Variants in LHFPL2 observed in about 807,000 individuals in gnomAD.
LHFPL2 encodes LHFPL tetraspan subfamily member 2.
In LHFPL2, 7 loss-of-function variants were observed where a neutral mutation model predicts 17.5. That is an observed-to-expected ratio of 0.40 (90% confidence interval 0.23 to 0.75). The LOEUF (loss-of-function observed/expected upper bound fraction) is 0.75. LHFPL2 is among the 30% of genes least tolerant of loss of function. The pLI is 0.37. For synonymous variants in LHFPL2, 134 were observed against 116.2 expected (o/e 1.15, Z -0.99); for missense variants, 241 against 294.8 (o/e 0.82, Z 1.34).
intron 2 of LHFPL2, among the ~76,000 whole-genome samples, chr5:78,583,510 TGTAAA>T (rs1312860565): frequency 2.0e-5 from 3 of 147,672 alleles, no homozygotes; most frequent in African/African-American, 7.4e-5. Flanking sequence ...TTTGCTTGTC[TGTAAA>T]GTATTTTATT....
At position 78,642,832 on chromosome 5, in the gene LHFPL2, G is replaced by A. The variant is rs374194410; in HGVS notation, c.-350+5667C>T. 2.0e-4 allele frequency among the ~76,000 whole-genome samples: 30 copies of A among 152,170 alleles called. No homozygotes were observed. In the South Asian group the frequency reaches 6.2e-3, roughly 32 times the overall value. The stretch of plus-strand genomic sequence containing the variant: ...TGCTTACCTCAATGAAAGGTGCCAT[G>A]ACCCATAACAGTCAAAGTGCACTCC... On this transcript the variant is annotated intron_variant, in intron 1 of 4. Transcript: ENST00000380345.
Position 78,488,569 on chromosome 5 carries a change from TCC to T in LHFPL2, c.*326_*327del. On this transcript the variant is annotated 3_prime_UTR_variant, in exon 5 of 5. Transcript: ENST00000380345. Reference sequence around the variant, plus strand: ...CCTGCAGATCTGGCGGACGGTCTCTTCCGTTACCAGAGAAACTGCTGCCCTAA... The same window carrying T: ...CCTGCAGATCTGGCGGACGGTCTCTTGTTACCAGAGAAACTGCTGCCCTAA... The T allele has an allele frequency of 3.3e-6, 1 of 302,860 alleles. No individual in the cohort carries two copies. The highest frequency in any genetic ancestry group is 6.4e-6 in the Non-Finnish European group (1 of 157,282). The allele number at this position is 302,860 out of a possible 1,614,324, so 18.8% of individuals were successfully genotyped here.
chr5:78,623,837 C>T (rs918276436), intron 2 of LHFPL2, among the ~76,000 whole-genome samples: 1 of 152,114 alleles, frequency 6.6e-6, no homozygotes, highest in Non-Finnish European at 1.5e-5. Flanking sequence ...AAACATTTAC[C>T]ATTTGCTCCA....
chr5:78,611,934 T>C (rs989589194), intron 2 of LHFPL2, among the ~76,000 whole-genome samples: 3 of 152,192 alleles, frequency 2.0e-5, no homozygotes, highest in African/African-American at 7.2e-5. Flanking sequence ...GCACACATGG[T>C]AGGAGCTTCA....
At chr5:78,580,356 C>T (rs1277597471) in intron 2 of LHFPL2, among the ~76,000 whole-genome samples, 1 of 152,064 alleles carries the variant, frequency 6.6e-6, no homozygotes, top group Non-Finnish European at 1.5e-5. Flanking sequence ...TTAATTAGAT[C>T]CCATTTGTCA....
In LHFPL2 at chr5:78,488,877, ATGGCAT is replaced by A; in HGVS notation, c.*14_*19del. On this transcript the variant is annotated 3_prime_UTR_variant, in exon 5 of 5. Transcript: ENST00000380345. ...TTCACAAGATTACTCAAGGGAGAAA[ATGGCAT>A]TGTCTCTTCCAAACTAAAGGAGGCA... The A allele has an allele frequency of 6.2e-7, 1 of 1,611,760 alleles. No individual in the cohort carries two copies. The highest frequency in any genetic ancestry group is 8.5e-7 in the Non-Finnish European group (1 of 1,178,724).
intron 2 of LHFPL2, among the ~76,000 whole-genome samples, chr5:78,571,338 T>C (rs532918717): frequency 2.0e-5 from 3 of 152,254 alleles, no homozygotes; most frequent in South Asian, 2.1e-4. Flanking sequence ...CCCAACTCCA[T>C]GCATGAAACT....
At chr5:78,619,156 G>C (rs1380275273) in intron 2 of LHFPL2, among the ~76,000 whole-genome samples, 1 of 152,114 alleles carries the variant, frequency 6.6e-6, no homozygotes, top group Non-Finnish European at 1.5e-5. Context: ...CTCCCAAGTA[G>C]CTGGGACTAG....
chr5:78,613,819 T>A (rs1322953640), intron 2 of LHFPL2, among the ~76,000 whole-genome samples: 1 of 152,194 alleles, frequency 6.6e-6, no homozygotes, highest in Non-Finnish European at 1.5e-5. Flanking sequence ...ATGATCTTAG[T>A]AAAGTTGTTG....
intron 2 of LHFPL2, among the ~76,000 whole-genome samples, chr5:78,591,080 G>T (rs1272216177): frequency 6.6e-6 from 1 of 152,176 alleles, no homozygotes; most frequent in Non-Finnish European, 1.5e-5. Context: ...ACTAATTTGT[G>T]GTGGAAGAGG....
chr5:78,635,010 G>A (rs948661153), intron 1 of LHFPL2, among the ~76,000 whole-genome samples: 2 of 152,250 alleles, frequency 1.3e-5, no homozygotes, highest in Non-Finnish European at 2.9e-5. Flanking sequence ...ATGGCTGTGA[G>A]CCGTGGAGTG....
intron 1 of LHFPL2, among the ~76,000 whole-genome samples, chr5:78,643,430 T>C (rs1470924859): frequency 6.6e-6 from 1 of 152,224 alleles, no homozygotes; most frequent in Non-Finnish European, 1.5e-5. Context: ...TATAAGTCGA[T>C]GGTCAGATCC....
At position 78,486,913 on chromosome 5, in the gene LHFPL2, G is replaced by A. The variant is rs1434962295; in HGVS notation, c.*1984C>T. The A allele has an allele frequency of 6.6e-6, 1 of 152,100 alleles. No individual in the cohort carries two copies. Among genetic ancestry groups the A allele is most frequent in the Non-Finnish European group, 1.5e-5 (1 of 68,004 alleles). The allele number at this position is 152,100 out of a possible 1,614,324, so 9.4% of individuals were successfully genotyped here. A position where few individuals can be genotyped will look rare whatever the true frequency, so the allele number is the denominator to read the frequency against. ...AAAGTGAGTCTTCTGATAAGTTTAT[G>A]GAAAAATTTTGTGTTTTTCATCAAG... On this transcript the variant is annotated 3_prime_UTR_variant, in exon 5 of 5. Coordinates refer to ENST00000380345, the MANE Select transcript of LHFPL2 (RefSeq NM_005779.3).
At chr5:78,541,033 G>A (rs1228323576) in intron 3 of LHFPL2, among the ~76,000 whole-genome samples, 1 of 152,168 alleles carries the variant, frequency 6.6e-6, no homozygotes, top group Non-Finnish European at 1.5e-5. Context: ...AGGGAAAATG[G>A]CATTAATATG....
intron 2 of LHFPL2, among the ~76,000 whole-genome samples, chr5:78,580,368 T>A (rs1374604032): frequency 6.6e-6 from 1 of 152,210 alleles, no homozygotes; most frequent in African/African-American, 2.4e-5. Context: ...CATTTGTCAA[T>A]TCTGGCTTTT....
Position 78,602,445 on chromosome 5 carries a change from T to A in LHFPL2, c.-245+29819A>T, listed in dbSNP as rs558552198. Among the ~76,000 whole-genome samples, 18 of 152,308 alleles carry A rather than the reference T, an allele frequency of 1.2e-4. No homozygotes were observed. In the South Asian group the frequency reaches 1.7e-3, roughly 14 times the overall value. On this transcript the variant is annotated intron_variant, in intron 2 of 4. Transcript: ENST00000380345. Reference sequence around the variant, plus strand: ...ATATCCTTCTCAAATTTTCCATTCTTTCACCCGAACAAAAAAGTATGGCAC... The same window carrying A: ...ATATCCTTCTCAAATTTTCCATTCTATCACCCGAACAAAAAAGTATGGCAC...
chr5:78,526,318 G>T (rs1354349831), intron 3 of LHFPL2, among the ~76,000 whole-genome samples: 1 of 152,164 alleles, frequency 6.6e-6, no homozygotes, highest in African/African-American at 2.4e-5. Flanking sequence ...TCCGGTAGCT[G>T]AAGTCTGAAA....
chr5:78,566,705 G>T (rs1044910634), intron 2 of LHFPL2, among the ~76,000 whole-genome samples: 1 of 152,134 alleles, frequency 6.6e-6, no homozygotes, highest in Non-Finnish European at 1.5e-5. Context: ...TGATCCACCC[G>T]CCCCGGCCTC....
At chr5:78,504,844 T>C (rs1032171743) in intron 4 of LHFPL2, among the ~76,000 whole-genome samples, 1 of 152,204 alleles carries the variant, frequency 6.6e-6, no homozygotes, top group African/African-American at 2.4e-5. Flanking sequence ...CAGGGCAATC[T>C]ATCTGGTCAG....
Sources: gnomAD v4.1 joint callset for allele counts (sites outside exome capture counted in the v4.1 genomes callset) on GRCh38, gnomAD v4.1.1 for gene constraint, MANE v1.5 for transcripts, NCBI Gene and HGNC (gene_info 2026-07-23, HGNC 2026-07-21) for gene names.